The following SCCPDH variants were observed in gnomAD, a reference collection of about 807,000 sequenced individuals.
The protein encoded by SCCPDH is saccharopine dehydrogenase-like oxidoreductase.
SCCPDH carries 34 observed loss-of-function variants against 51.5 expected under a neutral mutation model. That is an observed-to-expected ratio of 0.66 (90% CI 0.50 to 0.88). The LOEUF is 0.88. SCCPDH is among the 40% of genes least tolerant of loss of function. SCCPDH has a pLI of 0.00. For synonymous variants in SCCPDH, 187 were observed against 191.3 expected, an observed-to-expected ratio of 0.98 and a Z score of 0.19; for missense variants, 464 against 527.1, an observed-to-expected ratio of 0.88 and a Z score of 1.17.
intron 2 of SCCPDH, among the ~76,000 whole-genome samples, chr1:246,729,627 CAT>C (rs1238099871): frequency 2.0e-5 from 3 of 150,836 alleles, no homozygotes; most frequent in African/African-American, 7.5e-5. Flanking sequence ...TTCAAAGACA[CAT>C]GTTTTACAGT....
chr1:246,755,120 A>T (rs1668910850), intron 5 of SCCPDH, among the ~76,000 whole-genome samples: 1 of 152,236 alleles, frequency 6.6e-6, no homozygotes, highest in Non-Finnish European at 1.5e-5. Context: ...AGAAAACTGT[A>T]AACCTTTATT....
At chr1:246,748,500 C>T (rs1053445361) in intron 5 of SCCPDH, among the ~76,000 whole-genome samples, 6 of 152,160 alleles carry the variant, frequency 3.9e-5, no homozygotes, top group Non-Finnish European at 7.3e-5. Context: ...TAGGACCATT[C>T]TGTTTTCCCA....
chr1:246,734,993 T>A (rs1668545950), intron 2 of SCCPDH, among the ~76,000 whole-genome samples: 1 of 152,232 alleles, frequency 6.6e-6, no homozygotes, highest in African/African-American at 2.4e-5. Context: ...TCCTGTTGGT[T>A]TGTTTTTAAT....
chr1:246,734,740 TG>T (rs11366417), intron 2 of SCCPDH, among the ~76,000 whole-genome samples: 6,874 of 152,358 alleles, frequency 0.045, 524 homozygotes, highest in African/African-American at 0.16. Flanking sequence ...TTCCATCTTT[TG>T]CTGCCAGGAA....
At chr1:246,738,068 C>T (rs1330639199) in intron 3 of SCCPDH, among the ~76,000 whole-genome samples, 4 of 152,202 alleles carry the variant, frequency 2.6e-5, no homozygotes, top group Non-Finnish European at 4.4e-5. Context: ...TGGTGGTGCA[C>T]GTCTGCAATC....
chr1:246,731,500 G>A (rs1668489281), intron 2 of SCCPDH, among the ~76,000 whole-genome samples: 1 of 152,222 alleles, frequency 6.6e-6, no homozygotes, highest in Admixed American at 6.5e-5. Context: ...AGAGCCTGGA[G>A]GAGCTGGGAG....
rs185507560 is a variant in SCCPDH at position 246,744,922 on chromosome 1, G to C, written c.564+797G>C. Among the ~76,000 whole-genome samples the C allele has an allele frequency of 6.6e-5, 10 of 152,094 alleles. No homozygotes were observed. In the South Asian group the frequency reaches 1.9e-3, roughly 28 times the overall value. On this transcript the variant is annotated intron_variant, in intron 5 of 11. Coordinates refer to ENST00000366510, the MANE Select transcript of SCCPDH (RefSeq NM_016002.3). Reference sequence around the variant, plus strand: ...ATTATAGGCGTGAGCCACTGCACCCGGCCCCTAAAATATAATTTCTTTTAA... The same window carrying C: ...ATTATAGGCGTGAGCCACTGCACCCCGCCCCTAAAATATAATTTCTTTTAA...
chr1:246,733,545 G>A (rs191299067), intron 2 of SCCPDH, among the ~76,000 whole-genome samples: 7 of 151,506 alleles, frequency 4.6e-5, no homozygotes, highest in South Asian at 4.2e-4. Context: ...GTCTCAAAGC[G>A]ATCCTTCTGC....
chr1:246,744,006 T>G, intron 4 of SCCPDH, 70 bp from the exon 5 acceptor site: 1 of 933,158 alleles, frequency 1.1e-6, no homozygotes, highest in African/African-American at 1.7e-5. Context: ...ACGCATTGTT[T>G]ATTATTACTT....
chr1:246,765,912 G>A (rs1355199201), intron 10 of SCCPDH, 146 bp from the exon 11 acceptor site: 7 of 614,580 alleles, frequency 1.1e-5, no homozygotes, highest in Non-Finnish European at 2.0e-5. Context: ...CTTTCGATAT[G>A]TTATTTTTGT....
At chr1:246,757,451 G>A (rs1034623090) in intron 5 of SCCPDH, among the ~76,000 whole-genome samples, 1 of 120,466 alleles carries the variant, frequency 8.3e-6, no homozygotes, top group Admixed American at 8.2e-5. Flanking sequence ...TAGAGGTAAG[G>A]GTTGGGGAAG....
At chr1:246,753,657 G>A (rs917462900) in intron 5 of SCCPDH, among the ~76,000 whole-genome samples, 1 of 152,034 alleles carries the variant, frequency 6.6e-6, no homozygotes, top group African/African-American at 2.4e-5. Flanking sequence ...CTGTAGGAAC[G>A]TTTTGGCCAG....
rs1047544472 is a variant in SCCPDH at position 246,758,240 on chromosome 1, T to C, written c.579T>C (p.His193=). The change falls in exon 6 of 12, where the codon CAT becomes CAC. Residue 193 remains histidine, a synonymous_variant. Coordinates refer to ENST00000366510, the MANE Select transcript of SCCPDH (RefSeq NM_016002.3). ...IHSGPEGLSI[H]DGTWKSAIYG... The stretch of plus-strand genomic sequence containing the variant: ...TATTTTATTAGGGGTTGAGCATTCA[T>C]GATGGTACCTGGAAGTCAGCAATTT... 6.3e-7 allele frequency: 1 copy of C among 1,597,010 alleles called. No individual in the cohort carries two copies. Among genetic ancestry groups the C allele is most frequent in the Non-Finnish European group, 8.5e-7 (1 of 1,172,898 alleles).
At chr1:246,736,085 A>G (rs1243090570) in intron 3 of SCCPDH, 30 bp downstream of exon 3, 1 of 1,464,860 alleles carries the variant, frequency 6.8e-7, no homozygotes, top group Non-Finnish European at 9.5e-7. Flanking sequence ...AAAACGTAGA[A>G]TTAACACATA....
chr1:246,728,683 CT>C (rs563487565), intron 2 of SCCPDH, among the ~76,000 whole-genome samples: 11 of 151,350 alleles, frequency 7.3e-5, no homozygotes, highest in South Asian at 6.3e-4. Context: ...TTTTATTTTT[CT>C]TTTTTTTTAA....
At chr1:246,733,886 CCTTT>C (rs555113531) in intron 2 of SCCPDH, among the ~76,000 whole-genome samples, 130 of 152,256 alleles carry the variant, frequency 8.5e-4, no homozygotes, top group South Asian at 5.0e-3. Context: ...CTGGTCCTGA[CCTTT>C]CTAACAAAAA....
At chr1:246,759,634 A>C (rs565182184) in intron 7 of SCCPDH, among the ~76,000 whole-genome samples, 1 of 152,188 alleles carries the variant, frequency 6.6e-6, no homozygotes, top group African/African-American at 2.4e-5. Flanking sequence ...ACGTTCTGTA[A>C]TGTATGATTG....
chr1:246,729,253 G>C (rs1236140487), intron 2 of SCCPDH, among the ~76,000 whole-genome samples: 1 of 152,084 alleles, frequency 6.6e-6, no homozygotes. Context: ...CAGGAAACAG[G>C]GTACGAGAGC....
chr1:246,760,917 T>G (rs1302445850), intron 9 of SCCPDH, among the ~76,000 whole-genome samples: 1 of 152,224 alleles, frequency 6.6e-6, no homozygotes, highest in African/African-American at 2.4e-5. Context: ...CTTCAAAATC[T>G]ACCCAACTGC....
Sources: gnomAD v4.1 joint callset for allele counts (sites outside exome capture counted in the v4.1 genomes callset) on GRCh38, gnomAD v4.1.1 for gene constraint, MANE v1.5 for transcripts, NCBI Gene and HGNC (gene_info 2026-07-23, HGNC 2026-07-21) for gene names.